Variants in TNFSF11 observed in about 807,000 individuals in gnomAD.
TNFSF11 encodes TNF superfamily member 11.
TNFSF11 carries 12 observed loss-of-function variants against 32.2 expected under a neutral mutation model. The ratio of observed to expected loss-of-function variants is 0.37; its 90% confidence interval spans 0.24 to 0.60. The LOEUF (loss-of-function observed/expected upper bound fraction) is 0.60, where lower values mean the gene tolerates loss of function less well. Among genes scored for constraint, TNFSF11 ranks in the 20% least tolerant of loss-of-function variants. The probability of loss-of-function intolerance (pLI) is 0.66; values close to 1 mark genes in which losing one functional copy is unlikely to be tolerated. For missense variants in TNFSF11, 345 were observed against 398.0 expected (o/e 0.87, Z 1.13); for synonymous variants, 172 against 152.1 (o/e 1.13, Z -0.96).
intron 1 of TNFSF11, 63 bp from the exon 2 acceptor site, chr13:42,581,063 G>C (rs1395600348): frequency 1.1e-5 from 18 of 1,579,728 alleles, no homozygotes; most frequent in Non-Finnish European, 1.5e-5. Context: ...AAGTCACACT[G>C]TATTAAATAG....
At chr13:42,578,243 A>G (rs1453045666) in intron 1 of TNFSF11, among the ~76,000 whole-genome samples, 1 of 152,210 alleles carries the variant, frequency 6.6e-6, no homozygotes, top group Non-Finnish European at 1.5e-5. Context: ...AATGTGTGCT[A>G]GTAGGTAGGT....
chr13:42,570,484 C>T (rs954405672), upstream of TNFSF11, among the ~76,000 whole-genome samples: 1 of 152,168 alleles, frequency 6.6e-6, no homozygotes, highest in Non-Finnish European at 1.5e-5. Context: ...GTGTTATTTA[C>T]AGTGGAGTAT....
At chr13:42,606,374 A>C in intron 4 of TNFSF11, 123 bp from the exon 5 acceptor site, 2 of 1,194,476 alleles carry the variant, frequency 1.7e-6, no homozygotes, top group Non-Finnish European at 2.4e-6. Flanking sequence ...AATGCCAATA[A>C]GTTATTCTCC....
intron 2 of TNFSF11, among the ~76,000 whole-genome samples, chr13:42,589,217 C>T (rs1251656714): frequency 6.6e-6 from 1 of 152,162 alleles, no homozygotes; most frequent in East Asian, 1.9e-4. Flanking sequence ...CCACCCCAAA[C>T]TGGAAGTCAG....
At chr13:42,575,059 C>T (rs143382572) in intron 1 of TNFSF11, among the ~76,000 whole-genome samples, 1 of 152,134 alleles carries the variant, frequency 6.6e-6, no homozygotes, top group Non-Finnish European at 1.5e-5. Context: ...TCGCGGTGCT[C>T]GTGCCCAGGT....
At chr13:42,605,127 T>C (rs9566997) in intron 4 of TNFSF11, among the ~76,000 whole-genome samples, 2,088 of 152,286 alleles carry the variant, frequency 0.014, 15 homozygotes, top group South Asian at 0.045. Context: ...TTCACTCTAA[T>C]CAGAGAGCTG....
At chr13:42,587,276 A>G (rs1314678926) in intron 2 of TNFSF11, among the ~76,000 whole-genome samples, 1 of 152,202 alleles carries the variant, frequency 6.6e-6, no homozygotes, top group Non-Finnish European at 1.5e-5. Context: ...CATAAACCAC[A>G]TCTTGCTGCA....
chr13:42,599,044 C>T (rs936759638), intron 2 of TNFSF11, among the ~76,000 whole-genome samples: 49 of 152,180 alleles, frequency 3.2e-4, no homozygotes, highest in African/African-American at 1.1e-3. Flanking sequence ...ACTCCCAGAG[C>T]TGTGCAGTGT....
In TNFSF11 at chr13:42,600,863, A is replaced by G. The variant is rs1291273776; in HGVS notation, c.434-20A>G. The G allele has an allele frequency of 5.0e-6, 8 of 1,614,128 alleles. No homozygotes were observed. Among genetic ancestry groups the G allele is most frequent in the Non-Finnish European group, 5.9e-6 (7 of 1,180,010 alleles). The stretch of plus-strand genomic sequence containing the variant: ...TCACTACTATTTTGGCTATAATAAT[A>G]TGGTTTCTCTCATCTCCAGCGATGG... On this transcript the variant is annotated intron_variant, in intron 3 of 4. Transcript: ENST00000398795.
chr13:42,563,643 A>G (rs549824986), intron 1 of TNFSF11, among the ~76,000 whole-genome samples: 2 of 147,608 alleles, frequency 1.4e-5, no homozygotes, highest in Admixed American at 6.8e-5. Flanking sequence ...AGCCTGGGCA[A>G]CAGAGCAAAA....
chr13:42,567,797 G>A (rs1405676997), intron 2 of TNFSF11, among the ~76,000 whole-genome samples: 5 of 152,180 alleles, frequency 3.3e-5, no homozygotes, highest in Admixed American at 6.5e-5. Context: ...TGCCAGGCAA[G>A]GGTTAAGTCA....
intron 2 of TNFSF11, among the ~76,000 whole-genome samples, chr13:42,592,712 A>G (rs1037916754): frequency 2.0e-5 from 3 of 152,182 alleles, no homozygotes; most frequent in African/African-American, 7.2e-5. Context: ...CTTACCTCCA[A>G]TTGTAATTCC....
At chr13:42,604,820 G>T (rs1386434953) in intron 4 of TNFSF11, among the ~76,000 whole-genome samples, 4 of 152,046 alleles carry the variant, frequency 2.6e-5, no homozygotes, top group African/African-American at 9.7e-5. Context: ...GTCTTGCTCT[G>T]TCTCCCAGGC....
intron 2 of TNFSF11, among the ~76,000 whole-genome samples, chr13:42,585,623 T>A (rs1218540278): frequency 6.6e-6 from 1 of 152,224 alleles, no homozygotes; most frequent in Non-Finnish European, 1.5e-5. Flanking sequence ...GTGATTCTTG[T>A]TTCCAGTTTT....
At chr13:42,595,164 C>T (rs545595194) in intron 2 of TNFSF11, among the ~76,000 whole-genome samples, 4 of 152,330 alleles carry the variant, frequency 2.6e-5, no homozygotes, top group South Asian at 2.1e-4. Context: ...TGTTGGACAG[C>T]GTCCACTAGG....
intron 1 of TNFSF11, among the ~76,000 whole-genome samples, chr13:42,578,480 T>C (rs541056547): frequency 6.6e-6 from 1 of 152,298 alleles, no homozygotes; most frequent in South Asian, 2.1e-4. Flanking sequence ...AGACATGTGG[T>C]TGTAGGTTAA....
At chr13:42,605,149 G>A (rs80196902) in intron 4 of TNFSF11, among the ~76,000 whole-genome samples, 3,485 of 152,246 alleles carry the variant, frequency 0.023, 104 homozygotes, top group African/African-American at 0.071. Flanking sequence ...CAGTTTTGAT[G>A]GATCTCTGGA....
Position 42,576,562 on chromosome 13 carries a change from C to T in TNFSF11, c.219+2040C>T, listed in dbSNP as rs373544678. Among the ~76,000 whole-genome samples the T allele has an allele frequency of 6.6e-5, 10 of 152,188 alleles. No individual in the cohort carries two copies. The South Asian group carries it at 1.7e-3, about 25-fold the overall frequency. On this transcript the variant is annotated intron_variant, in intron 1 of 4. Coordinates refer to ENST00000398795, the MANE Select transcript of TNFSF11 (RefSeq NM_003701.4). ...GGTTTTCTTAAATACCATGAAAATTCGGTTCCTTTGACTTGTGCAAAATAA... is the reference window on the plus strand; with the variant it reads ...GGTTTTCTTAAATACCATGAAAATTTGGTTCCTTTGACTTGTGCAAAATAA...
chr13:42,596,657 A>G (rs1868826705), intron 2 of TNFSF11, among the ~76,000 whole-genome samples: 1 of 152,220 alleles, frequency 6.6e-6, no homozygotes, highest in Admixed American at 6.5e-5. Flanking sequence ...CAAAAGTCAA[A>G]TATGGTAACA....
Sources: gnomAD v4.1 joint callset for allele counts (sites outside exome capture counted in the v4.1 genomes callset) on GRCh38, gnomAD v4.1.1 for gene constraint, MANE v1.5 for transcripts, NCBI Gene and HGNC (gene_info 2026-07-23, HGNC 2026-07-21) for gene names.